The following ATP2B2 variants were observed in gnomAD, a reference collection of about 807,000 sequenced individuals.
The protein encoded by ATP2B2 is ATPase plasma membrane Ca2+ transporting 2.
ATP2B2 carries 15 observed loss-of-function variants against 120.0 expected under a neutral mutation model. That is an observed-to-expected ratio of 0.12 (90% confidence interval 0.08 to 0.19). The LOEUF (loss-of-function observed/expected upper bound fraction) is 0.19. Among genes scored for constraint, ATP2B2 ranks in the 10% least tolerant of loss-of-function variants. The pLI, the probability that ATP2B2 is intolerant of heterozygous loss-of-function variation, is 1.00. For synonymous variants in ATP2B2, 694 were observed against 700.3 expected, an observed-to-expected ratio of 0.99 and a Z score of 0.14; for missense variants, 1,045 against 1,719.8, an observed-to-expected ratio of 0.61 and a Z score of 6.94.
chr3:10,556,055 C>T (rs760288447), intron 2 of ATP2B2, among the ~76,000 whole-genome samples: 8 of 152,174 alleles, frequency 5.3e-5, no homozygotes, highest in African/African-American at 1.2e-4. Context: ...CCCACCACCA[C>T]GCTTGGCTAA....
chr3:10,610,395 C>T (rs1183944256), intron 2 of ATP2B2, among the ~76,000 whole-genome samples: 1 of 151,936 alleles, frequency 6.6e-6, no homozygotes, highest in Non-Finnish European at 1.5e-5. Context: ...CTTTCAAATA[C>T]ACGTGTGCCC....
chr3:10,503,742 AG>A (rs2066487848), intron 1 of ATP2B2, among the ~76,000 whole-genome samples: 1 of 152,246 alleles, frequency 6.6e-6, no homozygotes, highest in South Asian at 2.1e-4. Context: ...TGGCATTCAG[AG>A]CCCCACATGT....
At chr3:10,581,267 A>C (rs1171659175) in intron 2 of ATP2B2, among the ~76,000 whole-genome samples, 1 of 152,352 alleles carries the variant, frequency 6.6e-6, no homozygotes, top group East Asian at 1.9e-4. Flanking sequence ...AGAGAAGAGA[A>C]GTTCTGAAGA....
intron 2 of ATP2B2, among the ~76,000 whole-genome samples, chr3:10,440,274 G>T (rs1285091917): frequency 6.6e-6 from 1 of 151,968 alleles, no homozygotes; most frequent in Non-Finnish European, 1.5e-5. Context: ...CCCAACCTTC[G>T]GTTTCCCTGC....
intron 2 of ATP2B2, among the ~76,000 whole-genome samples, chr3:10,427,152 C>A (rs924145419): frequency 6.6e-6 from 1 of 152,158 alleles, no homozygotes; most frequent in Admixed American, 6.5e-5. Flanking sequence ...GTCTCTCATC[C>A]CATCTTCTCT....
rs1011909197 is a variant in ATP2B2 at position 10,455,049 on chromosome 3, G to A, written c.-319-5187C>T. Among the ~76,000 whole-genome samples, 3 of 152,228 alleles carry A rather than the reference G, an allele frequency of 2.0e-5. No homozygotes were observed. In the South Asian group the frequency reaches 6.2e-4, roughly 32 times the overall value. ...ATGTCTCTTCTGTACCTAGTGCAGTGTCTGGCATCCAGAAGGCACTCAATA... is the reference window on the plus strand; with the variant it reads ...ATGTCTCTTCTGTACCTAGTGCAGTATCTGGCATCCAGAAGGCACTCAATA... On this transcript the variant is annotated intron_variant, in intron 1 of 22. Coordinates refer to ENST00000360273, the MANE Select transcript of ATP2B2 (RefSeq NM_001001331.4).
chr3:10,542,556 T>C (rs2067462667), intron 2 of ATP2B2, among the ~76,000 whole-genome samples: 1 of 152,220 alleles, frequency 6.6e-6, no homozygotes, highest in African/African-American at 2.4e-5. Context: ...TTAGCTTTCC[T>C]TCATCTGAGA....
chr3:10,428,930 C>A (rs1418521750), intron 2 of ATP2B2, among the ~76,000 whole-genome samples: 1 of 152,214 alleles, frequency 6.6e-6, no homozygotes, highest in Non-Finnish European at 1.5e-5. Flanking sequence ...GGATTTAGCA[C>A]CTGCTTGGCA....
At chr3:10,532,765 G>T (rs1246638995) in intron 3 of ATP2B2, among the ~76,000 whole-genome samples, 1 of 152,190 alleles carries the variant, frequency 6.6e-6, no homozygotes. Flanking sequence ...GGCTGAACAG[G>T]GAGGCATGTG....
intron 2 of ATP2B2, among the ~76,000 whole-genome samples, chr3:10,541,395 T>C (rs1016767693): frequency 5.3e-5 from 8 of 152,206 alleles, no homozygotes; most frequent in African/African-American, 1.9e-4. Flanking sequence ...TTGCTAGTTA[T>C]GCATGATGCT....
intron 2 of ATP2B2, among the ~76,000 whole-genome samples, chr3:10,609,233 G>A (rs2069164855): frequency 6.6e-6 from 1 of 151,710 alleles, no homozygotes; most frequent in Non-Finnish European, 1.5e-5. Context: ...CCAGGAGCAG[G>A]CCTCTCCTGT....
intron 22 of ATP2B2, chr3:10,336,307 C>T (rs921233547): frequency 4.6e-5 from 71 of 1,550,012 alleles, no homozygotes; most frequent in African/African-American, 6.8e-5. Flanking sequence ...CAATCTGCAA[C>T]GGAGGAGAGA....
rs564106989 is a variant in ATP2B2, at chr3:10,536,647, C to T, written c.-414-2514G>A. On this transcript the variant is annotated intron_variant, in intron 2 of 21. Coordinates refer to the ATP2B2 transcript ENST00000646379. ...GCTCAAGCAAACCTCCTGCCTCAGC[C>T]TCCTGAATAGCTGGGACTACAAGTG... is the stretch of plus-strand genomic sequence containing the variant. Among the ~76,000 whole-genome samples the T allele has an allele frequency of 5.9e-5, 9 of 152,246 alleles. No individual in the cohort carries two copies. In the South Asian group the frequency reaches 1.9e-3, roughly 32 times the overall value.
chr3:10,336,056 G>A (rs930673036), intron 22 of ATP2B2: 2 of 1,495,512 alleles, frequency 1.3e-6, no homozygotes, highest in African/African-American at 2.8e-5. Context: ...ATGTCCTCTG[G>A]TGCCCCAGCC....
At chr3:10,589,466 G>T (rs1431985660) in intron 2 of ATP2B2, among the ~76,000 whole-genome samples, 1 of 152,232 alleles carries the variant, frequency 6.6e-6, no homozygotes, top group Non-Finnish European at 1.5e-5. Flanking sequence ...AGATGAGCCT[G>T]TTGCCAAACG....
At chr3:10,544,460 C>T (rs1434441191) in intron 2 of ATP2B2, among the ~76,000 whole-genome samples, 2 of 152,152 alleles carry the variant, frequency 1.3e-5, no homozygotes, top group East Asian at 1.9e-4. Context: ...GAACCTTTTG[C>T]CTTGATGGAC....
At chr3:10,361,699 A>G (rs1158667274) in intron 12 of ATP2B2, among the ~76,000 whole-genome samples, 3 of 152,130 alleles carry the variant, frequency 2.0e-5, no homozygotes, top group Non-Finnish European at 4.4e-5. Context: ...CTTCCCTGCC[A>G]GGCAAACTTC....
chr3:10,423,550 G>A (rs1244330040), intron 2 of ATP2B2, among the ~76,000 whole-genome samples: 1 of 152,210 alleles, frequency 6.6e-6, no homozygotes, highest in Non-Finnish European at 1.5e-5. Context: ...GGTTCAGCAT[G>A]CCCAGAGGTG....
intron 1 of ATP2B2, among the ~76,000 whole-genome samples, chr3:10,671,452 G>C (rs1221324654): frequency 6.6e-6 from 1 of 152,106 alleles, no homozygotes; most frequent in Admixed American, 6.5e-5. Context: ...AGTAGGTCTA[G>C]TCCTCGGCCC....
Sources: allele counts gnomAD v4.1 joint callset (sites outside exome capture counted in the v4.1 genomes callset), GRCh38; gene constraint gnomAD v4.1.1; transcripts MANE v1.5; gene names NCBI Gene and HGNC (gene_info 2026-07-23, HGNC 2026-07-21).